The following CDHR4 variants were observed in gnomAD, a reference collection of about 807,000 sequenced individuals.
The protein encoded by CDHR4 is cadherin related family member 4, also known as cadherin-related family member 4.
CDHR4 carries 89 observed loss-of-function variants against 88.4 expected under a neutral mutation model. The ratio of observed to expected loss-of-function variants is 1.01; its 90% CI spans 0.85 to 1.20. The LOEUF is 1.20. Ranked by LOEUF, CDHR4 falls within the 50% of genes most tolerant of loss-of-function variation. The pLI, the probability that CDHR4 is intolerant of heterozygous loss-of-function variation, is 0.00. For missense variants in CDHR4, 914 were observed against 1,007.2 expected (o/e 0.91, Z 1.25); for synonymous variants, 368 against 399.2 (o/e 0.92, Z 0.93).
intron 15 of CDHR4, 89 bp downstream of exon 15, chr3:49,792,379 T>C: frequency 1.4e-6 from 2 of 1,476,696 alleles, no homozygotes; most frequent in Admixed American, 4.4e-5. Context: ...TTGGGCATTG[T>C]CATCTAATCT....
In CDHR4 at chr3:49,792,892, T is replaced by C; in HGVS notation, c.1957A>G (p.Arg653Gly). 1 of 1,549,564 alleles carries C rather than the reference T, an allele frequency of 6.5e-7. No homozygotes were observed. The highest frequency in any genetic ancestry group is 8.7e-7 in the Non-Finnish European group (1 of 1,145,420). ...ATIIVHLVPR[R>G]ASTVATSTHR... ...GTGCTGGTGGCCACTGTGCTGGCCC[T>C]CCGGGGAACTAGATGCACAATAATG... The change falls in exon 14 of 19, where the codon AGG becomes GGG. Residue 653 changes from arginine (R) to glycine (G), a missense_variant. Coordinates refer to ENST00000412678, the MANE Select transcript of CDHR4 (RefSeq NM_001007540.4).
chr3:49,797,439 C>T (rs151242851), intron 4 of CDHR4, among the ~76,000 whole-genome samples: 4 of 151,504 alleles, frequency 2.6e-5, no homozygotes, highest in South Asian at 2.1e-4. Context: ...CCACCACACC[C>T]GGCTAATTTC....
rs1399443566 is a variant in CDHR4 at position 49,793,173 on chromosome 3, T to C, written c.1762A>G (p.Ser588Gly). The C allele has an allele frequency of 2.6e-6, 4 of 1,551,546 alleles. No homozygotes were observed. Among genetic ancestry groups the C allele is most frequent in the South Asian group, 2.4e-5 (2 of 84,070 alleles). Reference sequence around the variant, plus strand: ...CCATGTCCCCTACCTCCCACGATGCTATAGGAGTAGATCAGGCGCTGTGGC... The same window carrying C: ...CCATGTCCCCTACCTCCCACGATGCCATAGGAGTAGATCAGGCGCTGTGGC... ...QEPQRLIYSY[S>G]IVGGNSQNRF... Residue 588 changes from serine to glycine, a missense_variant, in exon 13 of 19, where the codon AGC becomes GGC. Ser to Gly is a moderately conservative substitution (Grantham distance 56). Coordinates refer to ENST00000412678, the MANE Select transcript of CDHR4 (RefSeq NM_001007540.4).
At position 49,793,233 on chromosome 3, in the gene CDHR4, C is replaced by A. The variant is rs912644931; in HGVS notation, c.1702G>T (p.Glu568Ter). The change falls in exon 13 of 19, where the codon GAG (glutamate) becomes TAG (stop). Residue 568 changes from glutamate to a stop codon, truncating the protein, a stop_gained. Transcript: ENST00000412678. LOFTEE classifies it high-confidence loss of function. ...TIYAPLGRSV[E>*]VTKMSCQIPQ... The stretch of plus-strand genomic sequence containing the variant: ...ATCTGGCATGACATCTTGGTCACCT[C>A]CACGCTACGGCCCAGAGGAGCATAG... 2 of 1,551,578 alleles carry A rather than the reference C, an allele frequency of 1.3e-6. No homozygotes were observed. Among genetic ancestry groups the A allele is most frequent in the African/African-American group, 2.7e-5 (2 of 73,042 alleles).
Position 49,791,940 on chromosome 3 carries a change from C to T in CDHR4, c.2158G>A (p.Ala720Thr), listed in dbSNP as rs2081186013. The part of the protein sequence containing the change: ...LLQGLAQLLQ[A>T]PSKPAQALLL... ...AAAGCCTGGGCTGGTTTGCTGGGTGCTTGCAGCAGCTGGGCCAACCTAAAA... is the reference window on the plus strand; with the variant it reads ...AAAGCCTGGGCTGGTTTGCTGGGTGTTTGCAGCAGCTGGGCCAACCTAAAA... The change falls in exon 16 of 19, where the codon GCA becomes ACA. Residue 720 changes from alanine (A) to threonine (T), a missense_variant. Transcript: ENST00000412678. 6.4e-7 allele frequency: 1 copy of T among 1,551,560 alleles called. No individual in the cohort carries two copies. The highest frequency in any genetic ancestry group is 2.0e-5 in the Admixed American group (1 of 50,990).
rs1486696528 is a variant in CDHR4, at chr3:49,793,311, C to T, written c.1624G>A (p.Asp542Asn). Reference protein sequence around the residue: ...GSCTITIEVEDVNDHAPECEP... With the variant: ...GSCTITIEVENVNDHAPECEP... ...CACTCGGGGGCATGGTCATTCACAT[C>T]CTGCAGAAAGGAACCAGGTTAGGAG... Residue 542 changes from aspartate (D) to asparagine (N), a missense_variant and splice_region_variant, in exon 13 of 19, where the codon GAT becomes AAT. Asp to Asn is a conservative substitution (Grantham distance 23, BLOSUM62 1). Transcript: ENST00000412678. The T allele has an allele frequency of 2.6e-6, 4 of 1,551,332 alleles. No individual in the cohort carries two copies. The highest frequency in any genetic ancestry group is 2.6e-6 in the Non-Finnish European group (3 of 1,146,936).
chr3:49,797,154 C>T (rs942052512), intron 4 of CDHR4, 122 bp from the exon 5 acceptor site: 23 of 611,592 alleles, frequency 3.8e-5, no homozygotes, highest in Non-Finnish European at 6.1e-5. Context: ...AATTTATTTT[C>T]CTTCCTTCCT....
chr3:49,792,995 C>T lies in CDHR4; in HGVS notation c.1854G>A (p.Glu618=), dbSNP rs1456005772. 10 of 1,551,584 alleles carry T rather than the reference C, an allele frequency of 6.4e-6. No homozygotes were observed. In the African/African-American group the frequency reaches 1.4e-4, roughly 21 times the overall value. Residue 618 remains glutamate, a synonymous_variant, in exon 14 of 19, where the codon GAG becomes GAA. Transcript: ENST00000412678. Reference sequence around the variant, plus strand: ...TCAGTAGCTCATAGGTACGGGGCTGCTCTGGCCAGAACGGCCCCAACACAA... The same window carrying T: ...TCAGTAGCTCATAGGTACGGGGCTGTTCTGGCCAGAACGGCCCCAACACAA... ...SDLVLGPFWP[E]QPRTYELLIC... is the part of the protein sequence containing the mutation.
upstream of CDHR4, among the ~76,000 whole-genome samples, chr3:49,801,755 A>C (rs2081363983): frequency 6.6e-6 from 1 of 152,184 alleles, no homozygotes; most frequent in Non-Finnish European, 1.5e-5. Context: ...TTAGTTCCAA[A>C]ACATACCCCA....
In CDHR4 at chr3:49,793,736, C is replaced by T. The variant is rs767187095; in HGVS notation, c.1484-14G>A. 6.4e-7 allele frequency: 1 copy of T among 1,551,648 alleles called. No homozygotes were observed. The highest frequency in any genetic ancestry group is 8.7e-7 in the Non-Finnish European group (1 of 1,146,918). On this transcript the variant is annotated splice_polypyrimidine_tract_variant and intron_variant, in intron 11 of 18. Transcript: ENST00000412678. Reference sequence around the variant, plus strand: ...GGTGAACTTCCCCTAGAGGGGGAGACCACAGCTTCAGCCTGCAGGGCCAAC... The same window carrying T: ...GGTGAACTTCCCCTAGAGGGGGAGATCACAGCTTCAGCCTGCAGGGCCAAC...
chr3:49,795,437 G>C lies in CDHR4; in HGVS notation c.848-58C>G. ...GTCAGGGAACACAGAGATCAGCCCCGCCTCCCAGCTCAGTCCCACTCCTGC... is the reference window on the plus strand; with the variant it reads ...GTCAGGGAACACAGAGATCAGCCCCCCCTCCCAGCTCAGTCCCACTCCTGC... On this transcript the variant is annotated intron_variant, in intron 7 of 18. Coordinates refer to ENST00000412678, the MANE Select transcript of CDHR4 (RefSeq NM_001007540.4). The surrounding 1 kb of genome is among the most constrained non-coding windows in gnomAD (Gnocchi z 5.4). 1 of 1,527,562 alleles carries C rather than the reference G, an allele frequency of 6.5e-7. No individual in the cohort carries two copies. Among genetic ancestry groups the C allele is most frequent in the Non-Finnish European group, 8.8e-7 (1 of 1,135,958 alleles). 94.6% of individuals were successfully genotyped at this position (1,527,562 alleles called of 1,614,324 possible).
chr3:49,799,430 G>A lies in CDHR4; in HGVS notation c.57C>T (p.Cys19=), dbSNP rs375568412. ...FLFAPVVSDL[C]SLPCFINVSE... ...AGACATTTATAAAGCAGGGCAGGCT[G>A]CAGAGGTCTGTGAAGAGCAGAGAAT... Residue 19 remains cysteine, a synonymous_variant, in exon 2 of 19, where the codon TGC becomes TGT. Coordinates refer to ENST00000412678, the MANE Select transcript of CDHR4 (RefSeq NM_001007540.4). 70 of 1,595,062 alleles carry A rather than the reference G, an allele frequency of 4.4e-5. No homozygotes were observed. In the African/African-American group the frequency reaches 7.6e-4, roughly 17 times the overall value.
upstream of CDHR4, among the ~76,000 whole-genome samples, chr3:49,802,532 C>A (rs1003580213): frequency 6.6e-6 from 1 of 152,164 alleles, no homozygotes; most frequent in Non-Finnish European, 1.5e-5. Flanking sequence ...CTGACTTTCC[C>A]CAAGCTAGCC....
chr3:49,795,872 A>C lies in CDHR4; in HGVS notation c.710+71T>G. 1 of 1,516,414 alleles carries C rather than the reference A, an allele frequency of 6.6e-7. No homozygotes were observed. Among genetic ancestry groups the C allele is most frequent in the Non-Finnish European group, 8.9e-7 (1 of 1,126,200 alleles). 93.9% of individuals were successfully genotyped at this position (1,516,414 alleles called of 1,614,324 possible). On this transcript the variant is annotated intron_variant, in intron 6 of 18. Coordinates refer to ENST00000412678, the MANE Select transcript of CDHR4 (RefSeq NM_001007540.4). The surrounding 1 kb of genome is among the most constrained non-coding windows in gnomAD (Gnocchi z 5.4). ...GTCAGGGCTGGGACTCAGCTCCAGCAGCCTCACCCTACCTGATTCCCTGGG... is the reference window on the plus strand; with the variant it reads ...GTCAGGGCTGGGACTCAGCTCCAGCCGCCTCACCCTACCTGATTCCCTGGG...
At chr3:49,798,971 C>G in intron 3 of CDHR4, 23 bp downstream of exon 3, 1 of 1,610,844 alleles carries the variant, frequency 6.2e-7, no homozygotes, top group Non-Finnish European at 8.5e-7. Flanking sequence ...TGCCCCCACC[C>G]TGCCGGCTGC....
upstream of CDHR4, among the ~76,000 whole-genome samples, chr3:49,801,550 A>G (rs2081361715): frequency 6.6e-6 from 1 of 152,180 alleles, no homozygotes; most frequent in African/African-American, 2.4e-5. Flanking sequence ...CTCCTCTTGG[A>G]TGTCTAACAG....
At chr3:49,799,895 C>T, upstream of CDHR4, 1 of 1,476,792 alleles carries the variant, frequency 6.8e-7, no homozygotes, top group Non-Finnish European at 9.4e-7. Context: ...AGGTCAGTTG[C>T]TCAAACATAG....
intron 14 of CDHR4, 104 bp downstream of exon 14, chr3:49,792,750 C>T: frequency 1.4e-6 from 2 of 1,452,308 alleles, no homozygotes; most frequent in Non-Finnish European, 9.2e-7. Flanking sequence ...CTCTGCGCTT[C>T]CCTCTGAACT....
intron 9 of CDHR4, 41 bp from the exon 10 acceptor site, chr3:49,794,742 G>C (rs762442754): frequency 1.3e-6 from 2 of 1,513,258 alleles, no homozygotes; most frequent in East Asian, 4.9e-5. Context: ...GCCAGGGCCT[G>C]AGAGAGCCCT....
Sources: gnomAD v4.1 joint callset for allele counts (sites outside exome capture counted in the v4.1 genomes callset) on GRCh38, gnomAD v4.1.1 for gene constraint, Gnocchi (gnomAD v3.1) non-coding constraint, MANE v1.5 for transcripts, NCBI Gene and HGNC (gene_info 2026-07-23, HGNC 2026-07-21) for gene names.